Variants in PPARGC1A observed in about 807,000 individuals in gnomAD.
PPARGC1A encodes the protein peroxisome proliferator-activated receptor gamma coactivator 1-alpha.
PPARGC1A carries 25 observed loss-of-function variants against 88.7 expected under a neutral mutation model. The ratio of observed to expected loss-of-function variants is 0.28; its 90% CI spans 0.21 to 0.39. PPARGC1A has a LOEUF of 0.39. PPARGC1A is among the 10% of genes least tolerant of loss of function. The pLI is 1.00. For synonymous variants in PPARGC1A, 363 were observed against 355.6 expected (o/e 1.02, Z -0.24); for missense variants, 880 against 968.7 (o/e 0.91, Z 1.22).
chr4:23,844,783 TATA>T (rs1480028331), intron 2 of PPARGC1A, among the ~76,000 whole-genome samples: 124 of 117,726 alleles, frequency 1.1e-3, no homozygotes, highest in African/African-American at 4.2e-3. Context: ...TGATATATAT[TATA>T]ATAATATATG....
the PPARGC1A span, among the ~76,000 whole-genome samples, chr4:24,451,647 G>A: frequency 2.0e-5 from 3 of 152,116 alleles, no homozygotes; most frequent in Non-Finnish European, 2.9e-5. Context: ...GCACCATCTC[G>A]GCTTACTGCA....
chr4:24,380,472 T>C, the PPARGC1A span, among the ~76,000 whole-genome samples: 3 of 152,112 alleles, frequency 2.0e-5, no homozygotes, highest in Admixed American at 1.3e-4. Context: ...TAGGAAAGAG[T>C]CCAGCCTCAT....
the PPARGC1A span, among the ~76,000 whole-genome samples, chr4:24,416,426 C>T: frequency 5.3e-5 from 8 of 152,048 alleles, no homozygotes; most frequent in African/African-American, 1.7e-4. Context: ...GAGGCTACTG[C>T]AATAGTCCAG....
chr4:24,300,324 A>ATTTTTTTTTTTTTTTTTTT, the PPARGC1A span, among the ~76,000 whole-genome samples: 3 of 44,998 alleles, frequency 6.7e-5, 1 homozygote, highest in African/African-American at 1.4e-4. Flanking sequence ...ATACAATAGC[A>ATTTTTTTTTTTTTTTTTTT]TTTTTTTTTT....
At chr4:23,947,148 T>A in the PPARGC1A span, among the ~76,000 whole-genome samples, 2 of 151,606 alleles carry the variant, frequency 1.3e-5, no homozygotes, top group Non-Finnish European at 2.9e-5. Context: ...GAATTTGATA[T>A]AAAGAAGGGT....
chr4:24,385,211 C>A, the PPARGC1A span, among the ~76,000 whole-genome samples: 1 of 152,050 alleles, frequency 6.6e-6, no homozygotes, highest in African/African-American at 2.4e-5. Flanking sequence ...AGAGACACAA[C>A]GTACCAGAAT....
the PPARGC1A span, among the ~76,000 whole-genome samples, chr4:24,236,693 C>T: frequency 1.2e-4 from 18 of 152,230 alleles, 1 homozygote; most frequent in South Asian, 4.2e-4. Flanking sequence ...CATATCCTGC[C>T]CCATCTGCAA....
chr4:24,420,866 G>C, the PPARGC1A span, among the ~76,000 whole-genome samples: 1 of 152,234 alleles, frequency 6.6e-6, no homozygotes, highest in Admixed American at 6.5e-5. Flanking sequence ...CTGGAGCCTG[G>C]GAAGTCCATG....
chr4:23,991,128 AG>A, the PPARGC1A span, among the ~76,000 whole-genome samples: 1 of 152,038 alleles, frequency 6.6e-6, no homozygotes. Context: ...CAGTCCTCAA[AG>A]GTCAGTCATA....
chr4:24,109,832 G>A, the PPARGC1A span, among the ~76,000 whole-genome samples: 15 of 152,170 alleles, frequency 9.9e-5, no homozygotes, highest in South Asian at 4.1e-4. Flanking sequence ...TTGAAAATGC[G>A]TTCCGTGGTC....
At chr4:23,813,147 A>G (rs1721263064) in intron 8 of PPARGC1A, 22 bp from the exon 9 acceptor site, 1 of 1,610,008 alleles carries the variant, frequency 6.2e-7, no homozygotes, top group Non-Finnish European at 8.5e-7. Flanking sequence ...GAGAAAAGCA[A>G]AAAGGGCATT....
At chr4:24,456,732 A>G in the PPARGC1A span, among the ~76,000 whole-genome samples, 4 of 151,902 alleles carry the variant, frequency 2.6e-5, no homozygotes, top group Admixed American at 2.6e-4. Context: ...AGCATGGTTA[A>G]TGAACTTGGA....
chr4:24,444,597 A>G, the PPARGC1A span, among the ~76,000 whole-genome samples: 3 of 152,236 alleles, frequency 2.0e-5, no homozygotes, highest in African/African-American at 7.2e-5. Context: ...AGGGTCATGC[A>G]TGAGCCATTG....
At chr4:24,216,722 A>G in the PPARGC1A span, among the ~76,000 whole-genome samples, 14,070 of 152,196 alleles carry the variant, frequency 0.092, 948 homozygotes, top group African/African-American at 0.19. Flanking sequence ...TATACAAACA[A>G]ACCTTAATAC....
At chr4:24,055,548 T>C in the PPARGC1A span, among the ~76,000 whole-genome samples, 1 of 152,252 alleles carries the variant, frequency 6.6e-6, no homozygotes, top group Non-Finnish European at 1.5e-5. Flanking sequence ...AGCACAGATA[T>C]AAGAAATAGA....
At chr4:24,446,961 A>G in the PPARGC1A span, among the ~76,000 whole-genome samples, 47,561 of 151,954 alleles carry the variant, frequency 0.31, 7,582 homozygotes, top group Non-Finnish European at 0.34. Context: ...GTTAAAACCC[A>G]CCCACTGAAT....
chr4:24,442,385 T>C, the PPARGC1A span, among the ~76,000 whole-genome samples: 1 of 152,184 alleles, frequency 6.6e-6, no homozygotes, highest in African/African-American at 2.4e-5. Context: ...AAAGAGGCAA[T>C]TTATTTTTTA....
At position 23,834,908 on chromosome 4, in the gene PPARGC1A, G is replaced by C. The variant is rs148275535; in HGVS notation, c.235-3157C>G. On this transcript the variant is annotated intron_variant, in intron 2 of 12. Transcript: ENST00000264867. ...TTAAAAAATCATCTCAAAGTCATGA[G>C]ATTTACACCATTATAACTATCTCCA... 2.5e-3 allele frequency among the ~76,000 whole-genome samples: 378 copies of C among 152,174 alleles called. 2 individuals are homozygous for C. The highest frequency in any genetic ancestry group is 8.5e-3 in the African/African-American group (353 of 41,516).
the PPARGC1A span, among the ~76,000 whole-genome samples, chr4:24,311,291 CG>C: frequency 6.8e-6 from 1 of 147,126 alleles, no homozygotes; most frequent in Admixed American, 6.7e-5. Context: ...TTAGTAGCGA[CG>C]GTGTTTCACC....
Sources: allele counts gnomAD v4.1 joint callset (sites outside exome capture counted in the v4.1 genomes callset), GRCh38; gene constraint gnomAD v4.1.1; transcripts MANE v1.5; gene names NCBI Gene and HGNC (gene_info 2026-07-23, HGNC 2026-07-21).